Variants in KNDC1 observed in about 807,000 individuals in gnomAD.
KNDC1 encodes the protein kinase non-catalytic C-lobe domain containing 1.
Under a neutral mutation model 172.8 loss-of-function variants are expected in KNDC1, and 106 were observed. That is an observed-to-expected ratio of 0.61 (90% confidence interval 0.52 to 0.72). KNDC1 has a LOEUF of 0.72. KNDC1 is among the 30% of genes least tolerant of loss of function. KNDC1 has a pLI of 0.00. For missense variants in KNDC1, 2,325 were observed against 2,394.5 expected (o/e 0.97, Z 0.61); for synonymous variants, 1,083 against 1,062.2 (o/e 1.02, Z -0.38).
In KNDC1 at chr10:133,206,930, A is replaced by C. The variant is rs1402017452; in HGVS notation, c.3556A>C (p.Ser1186Arg). 1 of 1,614,040 alleles carries C rather than the reference A, an allele frequency of 6.2e-7. No individual in the cohort carries two copies. The highest frequency in any genetic ancestry group is 8.5e-7 in the Non-Finnish European group (1 of 1,180,000). The change falls in exon 19 of 30, where the codon AGC becomes CGC. Residue 1186 changes from serine (S) to arginine (R), a missense_variant. Coordinates refer to ENST00000304613, the MANE Select transcript of KNDC1 (RefSeq NM_152643.8). The stretch of plus-strand genomic sequence containing the variant: ...AATGAAATCCAGGGTGCAATTCCTC[A>C]GCTTGGTCAAGAAGTATCTGCAGGC... The part of the protein sequence containing the change: ...EEMKSRVQFL[S>R]LVKKYLQVMY...
Position 133,186,474 on chromosome 10 carries a change from G to T in KNDC1, c.1126G>T (p.Val376Phe). The change falls in exon 6 of 30, where the codon GTT becomes TTT. Residue 376 changes from valine (V) to phenylalanine (F), a missense_variant. Val to Phe is a conservative substitution (Grantham distance 50). Coordinates refer to ENST00000304613, the MANE Select transcript of KNDC1 (RefSeq NM_152643.8). ...GGAGCCGGAACACCAGCTGGGACGGGTTCCCTGTGCAGGCCGCAGCACGGA... is the reference window on the plus strand; with the variant it reads ...GGAGCCGGAACACCAGCTGGGACGGTTTCCCTGTGCAGGCCGCAGCACGGA... ...EQEPEHQLGR[V>F]PCAGRSTDRG... 6.2e-7 allele frequency: 1 copy of T among 1,612,438 alleles called. No homozygotes were observed. The highest frequency in any genetic ancestry group is 8.5e-7 in the Non-Finnish European group (1 of 1,179,756).
intron 3 of KNDC1, 30 bp downstream of exon 3, chr10:133,168,342 C>G: frequency 6.3e-7 from 1 of 1,597,448 alleles, no homozygotes; most frequent in Non-Finnish European, 8.6e-7. Flanking sequence ...ATGTGCCACA[C>G]CCCCCTTTTA....
At chr10:133,182,007 G>C (rs762679231) in intron 3 of KNDC1, among the ~76,000 whole-genome samples, 1 of 152,222 alleles carries the variant, frequency 6.6e-6, no homozygotes, top group Non-Finnish European at 1.5e-5. Flanking sequence ...GTTTGAGGCA[G>C]AATTGGATGA....
chr10:133,170,395 G>A (rs1853339444), intron 3 of KNDC1, among the ~76,000 whole-genome samples: 1 of 151,772 alleles, frequency 6.6e-6, no homozygotes, highest in African/African-American at 2.4e-5. Flanking sequence ...CTGGCCTGGG[G>A]TCTGGCTCCT....
intron 29 of KNDC1, among the ~76,000 whole-genome samples, chr10:133,221,696 C>T (rs913752625): frequency 2.6e-5 from 4 of 152,230 alleles, no homozygotes; most frequent in African/African-American, 9.6e-5. Context: ...AGATAGCCAC[C>T]AATTTAAAAA....
intron 3 of KNDC1, among the ~76,000 whole-genome samples, chr10:133,181,834 C>CACACACACACACACACA (rs1564881077): frequency 0.021 from 2,919 of 138,836 alleles, 98 homozygotes; most frequent in Admixed American, 0.073. Context: ...CCAGGACCGT[C>CACACACACACACACACA]CACACACACA....
intron 29 of KNDC1, among the ~76,000 whole-genome samples, chr10:133,221,534 C>T (rs1035567379): frequency 6.6e-6 from 1 of 152,166 alleles, no homozygotes; most frequent in African/African-American, 2.4e-5. Context: ...CTCATCTCAT[C>T]GCCTGCCGTT....
intron 29 of KNDC1, among the ~76,000 whole-genome samples, chr10:133,222,153 G>A (rs1484683540): frequency 1.3e-5 from 2 of 150,152 alleles, no homozygotes; most frequent in African/African-American, 4.9e-5. Context: ...CGCGGTGGCG[G>A]GCGCCTGTAG....
chr10:133,207,041 T>C, intron 19 of KNDC1, 88 bp downstream of exon 19: 1 of 1,539,710 alleles, frequency 6.5e-7, no homozygotes, highest in Non-Finnish European at 8.9e-7. Flanking sequence ...TCTGTCCGTG[T>C]GAAGTTATAA....
rs556242725 is a variant in KNDC1, at chr10:133,167,271, G to A, written c.103-110G>A. 81 of 1,067,442 alleles carry A rather than the reference G, an allele frequency of 7.6e-5. No homozygotes were observed. In the African/African-American group the frequency reaches 8.9e-4, roughly 12 times the overall value. The allele number at this position is 1,067,442 out of a possible 1,614,324, so 66.1% of individuals were successfully genotyped here. On this transcript the variant is annotated intron_variant, in intron 1 of 29. Coordinates refer to ENST00000304613, the MANE Select transcript of KNDC1 (RefSeq NM_152643.8). ...CTAAAGCCCTTTCCCTGACCCACGCGTTGAAACGCTGCCACGAGTCGTCCG... is the reference window on the plus strand; with the variant it reads ...CTAAAGCCCTTTCCCTGACCCACGCATTGAAACGCTGCCACGAGTCGTCCG...
chr10:133,223,679 C>T (rs574529281), intron 29 of KNDC1, among the ~76,000 whole-genome samples: 1 of 62,718 alleles, frequency 1.6e-5, no homozygotes, highest in Admixed American at 1.9e-4. Context: ...ATGCTCTTCC[C>T]GGCATGTGTG....
At chr10:133,185,025 G>A (rs574388959) in intron 5 of KNDC1, among the ~76,000 whole-genome samples, 1 of 152,408 alleles carries the variant, frequency 6.6e-6, no homozygotes, top group African/African-American at 2.4e-5. Flanking sequence ...ATCGCTACCT[G>A]CAGCACGGAG....
At chr10:133,216,400 G>A (rs917285256) in intron 26 of KNDC1, among the ~76,000 whole-genome samples, 4 of 152,194 alleles carry the variant, frequency 2.6e-5, no homozygotes, top group Admixed American at 2.6e-4. Context: ...AACGCAGGCC[G>A]GTCGCAGTGG....
chr10:133,184,013 T>G, intron 5 of KNDC1, 24 bp downstream of exon 5: 1 of 1,330,014 alleles, frequency 7.5e-7, no homozygotes, highest in African/African-American at 1.5e-5. Context: ...CCCACACACG[T>G]GCATCCTCAT....
Position 133,186,004 on chromosome 10 carries a change from C to G in KNDC1, c.656C>G (p.Pro219Arg). 1 of 1,542,618 alleles carries G rather than the reference C, an allele frequency of 6.5e-7. No homozygotes were observed. The highest frequency in any genetic ancestry group is 8.8e-7 in the Non-Finnish European group (1 of 1,141,864). ...DVSESSWRER[P>R]APGNAGPRRP... ...AGCGAGAGCAGCTGGCGGGAGAGAC[C>G]TGCCCCAGGAAACGCTGGGCCCAGG... The change falls in exon 6 of 30, where the codon CCT becomes CGT. Residue 219 changes from proline to arginine, a missense_variant. Physicochemically the swap from Pro to Arg is moderately radical, Grantham distance 103. Transcript: ENST00000304613.
Position 133,214,107 on chromosome 10 carries a change from C to A in KNDC1, c.4662C>A (p.Thr1554=), listed in dbSNP as rs1229814298. 1 of 1,613,954 alleles carries A rather than the reference C, an allele frequency of 6.2e-7. No individual in the cohort carries two copies. Among genetic ancestry groups the A allele is most frequent in the East Asian group, 2.2e-5 (1 of 44,904 alleles). ...VSTWVAAEIV[T]SHTSKLQVNL... is the part of the protein sequence containing the mutation. ...CCTGGGTGGCTGCAGAGATTGTGAC[C>A]AGCCACACCTCCAAGGTGGGCACCC... The change falls in exon 26 of 30, where the codon ACC becomes ACA. Residue 1554 remains threonine, a synonymous_variant. Coordinates refer to ENST00000304613, the MANE Select transcript of KNDC1 (RefSeq NM_152643.8).
intron 9 of KNDC1, among the ~76,000 whole-genome samples, chr10:133,193,295 C>T (rs1380952876): frequency 6.6e-6 from 1 of 152,166 alleles, no homozygotes; most frequent in East Asian, 1.9e-4. Context: ...GAGGCTGAGG[C>T]AGGTGGATCA....
intron 1 of KNDC1, among the ~76,000 whole-genome samples, chr10:133,166,222 A>G (rs890648093): frequency 1.2e-4 from 19 of 152,036 alleles, no homozygotes; most frequent in Non-Finnish European, 2.1e-4. Flanking sequence ...AGGGGGGGCC[A>G]GCGATGGGGG....
rs1352739284 is a variant in KNDC1, at chr10:133,163,224, A to G, written c.102+2655A>G. On this transcript the variant is annotated intron_variant, in intron 1 of 29. Transcript: ENST00000304613. This position sits in a 1 kb window ranked among gnomAD's most constrained non-coding sequence, Gnocchi z 4.4. Reference sequence around the variant, plus strand: ...AATTCAGATGAGACGAAGAGGGTGCACCGGTTTGGGTGCCAGAGCAGGACG... The same window carrying G: ...AATTCAGATGAGACGAAGAGGGTGCGCCGGTTTGGGTGCCAGAGCAGGACG... Among the ~76,000 whole-genome samples the G allele has an allele frequency of 6.6e-6, 1 of 152,138 alleles. No homozygotes were observed. Among genetic ancestry groups the G allele is most frequent in the African/African-American group, 2.4e-5 (1 of 41,436 alleles).
Sources: gnomAD v4.1 joint callset for allele counts (sites outside exome capture counted in the v4.1 genomes callset) on GRCh38, gnomAD v4.1.1 for gene constraint, Gnocchi (gnomAD v3.1) non-coding constraint, MANE v1.5 for transcripts, NCBI Gene and HGNC (gene_info 2026-07-23, HGNC 2026-07-21) for gene names.